The following ITFG1 variants were observed in gnomAD, a reference collection of about 807,000 sequenced individuals.
The protein encoded by ITFG1 is integrin alpha FG-GAP repeat containing 1, also known as T-cell immunomodulatory protein.
In ITFG1, 34 loss-of-function variants were observed where a neutral mutation model predicts 81.8. That is an observed-to-expected ratio of 0.42 (90% CI 0.32 to 0.55). The LOEUF (loss-of-function observed/expected upper bound fraction) is 0.55. Among genes scored for constraint, ITFG1 ranks in the 20% least tolerant of loss-of-function variants. The pLI is 0.17. For synonymous variants in ITFG1, 285 were observed against 270.6 expected (o/e 1.05, Z -0.52); for missense variants, 672 against 755.4 (o/e 0.89, Z 1.29).
At chr16:47,357,092 G>T (rs943486224) in intron 8 of ITFG1, among the ~76,000 whole-genome samples, 2 of 151,902 alleles carry the variant, frequency 1.3e-5, no homozygotes, top group East Asian at 1.9e-4. Flanking sequence ...GTTTCATGGG[G>T]TGCTCCATTT....
At chr16:47,318,818 T>C (rs2151567612) in intron 8 of ITFG1, among the ~76,000 whole-genome samples, 1 of 152,302 alleles carries the variant, frequency 6.6e-6, no homozygotes, top group Non-Finnish European at 1.5e-5. Context: ...AAAATTATAT[T>C]TTAACACTGA....
chr16:47,238,046 G>A lies in ITFG1; in HGVS notation c.1331-38C>T, dbSNP rs756982266. The stretch of plus-strand genomic sequence containing the variant: ...AAACAGGCAATTATTACTATTATAA[G>A]TTTATATTTAAAGTGAGCTCTAATT... On this transcript the variant is annotated intron_variant, in intron 12 of 17. Coordinates refer to ENST00000320640, the MANE Select transcript of ITFG1 (RefSeq NM_030790.5). 10 of 1,237,240 alleles carry A rather than the reference G, an allele frequency of 8.1e-6. No homozygotes were observed. The African/African-American group carries it at 1.4e-4, about 18-fold the overall frequency. The allele number at this position is 1,237,240 out of a possible 1,614,324, so 76.6% of individuals were successfully genotyped here.
At chr16:47,411,734 G>C (rs1567491213) in intron 6 of ITFG1, among the ~76,000 whole-genome samples, 1 of 152,164 alleles carries the variant, frequency 6.6e-6, no homozygotes, top group African/African-American at 2.4e-5. Context: ...GATGGGTGCA[G>C]TCCTAATGAT....
At chr16:47,296,221 ACCACCAAGTACAGC>A (rs1217994111) in intron 10 of ITFG1, among the ~76,000 whole-genome samples, 1 of 150,390 alleles carries the variant, frequency 6.6e-6, no homozygotes, top group East Asian at 1.9e-4. Flanking sequence ...ACAGAGATGA[ACCACCAAGTACAGC>A]CCTTTTTTTC....
At chr16:47,439,140 G>T (rs1969210580) in intron 5 of ITFG1, among the ~76,000 whole-genome samples, 1 of 152,146 alleles carries the variant, frequency 6.6e-6, no homozygotes, top group African/African-American at 2.4e-5. Flanking sequence ...AGAGAAAAAA[G>T]AATAGAAAGA....
At chr16:47,190,975 G>C (rs898445817) in intron 14 of ITFG1, among the ~76,000 whole-genome samples, 1 of 152,056 alleles carries the variant, frequency 6.6e-6, no homozygotes, top group Admixed American at 6.6e-5. Flanking sequence ...CTATCTCAGG[G>C]CCACACTCCA....
chr16:47,329,373 T>C (rs554022586), intron 8 of ITFG1, among the ~76,000 whole-genome samples: 29 of 152,234 alleles, frequency 1.9e-4, no homozygotes, highest in Admixed American at 5.9e-4. Flanking sequence ...ATTCCATGTA[T>C]GACATTCTAA....
At chr16:47,351,292 G>A (rs962910191) in intron 8 of ITFG1, among the ~76,000 whole-genome samples, 9 of 152,218 alleles carry the variant, frequency 5.9e-5, no homozygotes, top group Non-Finnish European at 8.8e-5. Flanking sequence ...CAGATGACAT[G>A]ATTGTACATC....
chr16:47,380,044 T>C (rs1284855223), intron 6 of ITFG1, among the ~76,000 whole-genome samples: 1 of 101,132 alleles, frequency 9.9e-6, no homozygotes, highest in African/African-American at 4.3e-5. Flanking sequence ...GTCTCTTGGG[T>C]AGCCAAAAAA....
intron 1 of ITFG1, 116 bp downstream of exon 1, chr16:47,460,722 G>T: frequency 1.8e-6 from 2 of 1,132,350 alleles, no homozygotes; most frequent in Non-Finnish European, 2.6e-6. Context: ...AAGGCCACAG[G>T]GCTGGGAGAG....
At chr16:47,235,171 A>G (rs2151533109) in intron 13 of ITFG1, among the ~76,000 whole-genome samples, 1 of 152,340 alleles carries the variant, frequency 6.6e-6, no homozygotes, top group East Asian at 1.9e-4. Context: ...CCAGTATACT[A>G]GGCATAGGAG....
At chr16:47,256,798 T>G (rs1186393039) in intron 12 of ITFG1, among the ~76,000 whole-genome samples, 1 of 152,246 alleles carries the variant, frequency 6.6e-6, no homozygotes, top group Non-Finnish European at 1.5e-5. Context: ...CACTAATACG[T>G]TCTGTTGCTT....
chr16:47,365,461 C>G (rs1968163996), intron 8 of ITFG1: 1 of 209,894 alleles, frequency 4.8e-6, no homozygotes, highest in Admixed American at 5.3e-5. Flanking sequence ...TCTATTTGTT[C>G]CATATGTTGT....
At chr16:47,253,132 G>C (rs1476665210) in intron 12 of ITFG1, among the ~76,000 whole-genome samples, 1 of 152,132 alleles carries the variant, frequency 6.6e-6, no homozygotes, top group East Asian at 1.9e-4. Context: ...TGAGACTGCA[G>C]GGTGACTTGT....
chr16:47,189,225 C>G (rs1965263143), intron 14 of ITFG1, among the ~76,000 whole-genome samples: 1 of 152,098 alleles, frequency 6.6e-6, no homozygotes, highest in Non-Finnish European at 1.5e-5. Flanking sequence ...GTATATAATT[C>G]ACATACCACA....
At chr16:47,399,433 C>A (rs1328566278) in intron 6 of ITFG1, among the ~76,000 whole-genome samples, 4 of 152,078 alleles carry the variant, frequency 2.6e-5, no homozygotes, top group African/African-American at 9.7e-5. Flanking sequence ...ATTAGCCGGG[C>A]GTGTTGGCGG....
chr16:47,265,469 A>G (rs1352149826), intron 10 of ITFG1, among the ~76,000 whole-genome samples: 2 of 152,118 alleles, frequency 1.3e-5, no homozygotes, highest in African/African-American at 4.8e-5. Flanking sequence ...GGTGTTAATA[A>G]GGTAGTAGAT....
chr16:47,232,981 GCA>G (rs1965832862), intron 13 of ITFG1, among the ~76,000 whole-genome samples: 1 of 151,880 alleles, frequency 6.6e-6, no homozygotes, highest in Non-Finnish European at 1.5e-5. Context: ...CATAGATTTT[GCA>G]AATTTTTAAA....
intron 2 of ITFG1, among the ~76,000 whole-genome samples, chr16:47,457,711 A>G (rs1365217409): frequency 6.6e-6 from 1 of 152,192 alleles, no homozygotes; most frequent in African/African-American, 2.4e-5. Context: ...TGCATTAATA[A>G]AAAAATTAAT....
Sources: gnomAD v4.1 joint callset for allele counts (sites outside exome capture counted in the v4.1 genomes callset) on GRCh38, gnomAD v4.1.1 for gene constraint, MANE v1.5 for transcripts, NCBI Gene and HGNC (gene_info 2026-07-23, HGNC 2026-07-21) for gene names.